The following XKR9 variants were observed in gnomAD, a reference collection of about 807,000 sequenced individuals.
The protein encoded by XKR9 is XK-related protein 9.
XKR9 carries 32 observed loss-of-function variants against 32.0 expected under a neutral mutation model. That is an observed-to-expected ratio of 1.00 (90% CI 0.76 to 1.34). XKR9 has a LOEUF of 1.34. XKR9 is among the 40% of genes most tolerant of loss of function. The pLI is 0.00. For missense variants in XKR9, 546 were observed against 429.7 expected (o/e 1.27, Z -2.39); for synonymous variants, 168 against 143.4 (o/e 1.17, Z -1.22).
intron 2 of XKR9, among the ~76,000 whole-genome samples, chr8:70,769,429 C>T (rs980344066): frequency 2.0e-5 from 3 of 151,918 alleles, no homozygotes; most frequent in Non-Finnish European, 2.9e-5. Flanking sequence ...GGTTGCTCTT[C>T]TTGAGGAGTA....
the XKR9 span, among the ~76,000 whole-genome samples, chr8:71,058,930 T>G: frequency 6.6e-6 from 1 of 152,216 alleles, no homozygotes; most frequent in Non-Finnish European, 1.5e-5. Flanking sequence ...CATTTGAATC[T>G]TCATGTGGTT....
chr8:70,760,057 G>A (rs1807287139), intron 2 of XKR9, among the ~76,000 whole-genome samples: 1 of 152,136 alleles, frequency 6.6e-6, no homozygotes, highest in African/African-American at 2.4e-5. Flanking sequence ...ATTCACATGT[G>A]AAGTTACTTG....
intron 4 of XKR9, among the ~76,000 whole-genome samples, chr8:70,731,247 C>G (rs977744032): frequency 1.3e-5 from 2 of 152,072 alleles, no homozygotes; most frequent in Non-Finnish European, 2.9e-5. Flanking sequence ...ATAGTGATGT[C>G]TACCATTTAC....
At chr8:71,001,898 A>G in the XKR9 span, among the ~76,000 whole-genome samples, 220 of 152,320 alleles carry the variant, frequency 1.4e-3, 1 homozygote, top group African/African-American at 5.1e-3. Context: ...TGTGGTTCCA[A>G]ATATTCCAAA....
At chr8:70,774,540 A>C (rs1807494309) in intron 2 of XKR9, among the ~76,000 whole-genome samples, 1 of 152,142 alleles carries the variant, frequency 6.6e-6, no homozygotes, top group Admixed American at 6.6e-5. Context: ...CTATATATTC[A>C]ACATTTAGAT....
chr8:70,732,173 G>T (rs1262236419), intron 4 of XKR9, among the ~76,000 whole-genome samples: 2 of 152,156 alleles, frequency 1.3e-5, no homozygotes. Context: ...CCACAATGGG[G>T]CTGTGGACAG....
At chr8:70,809,019 G>A in the XKR9 span, among the ~76,000 whole-genome samples, 4 of 152,186 alleles carry the variant, frequency 2.6e-5, no homozygotes, top group Admixed American at 6.5e-5. Flanking sequence ...CCTGACCCTC[G>A]AGTAGCCTAA....
the XKR9 span, among the ~76,000 whole-genome samples, chr8:71,008,807 T>C: frequency 6.6e-6 from 1 of 151,962 alleles, no homozygotes; most frequent in South Asian, 2.1e-4. Context: ...TACCTGAGAC[T>C]ACACCTGAGT....
chr8:70,833,473 T>C, the XKR9 span, among the ~76,000 whole-genome samples: 1 of 152,134 alleles, frequency 6.6e-6, no homozygotes, highest in Non-Finnish European at 1.5e-5. Context: ...AGGTAAAGTA[T>C]ATGTAGATGT....
the XKR9 span, among the ~76,000 whole-genome samples, chr8:70,986,019 T>A: frequency 6.6e-6 from 1 of 152,110 alleles, no homozygotes; most frequent in African/African-American, 2.4e-5. Context: ...ATTCCTTATA[T>A]CAGGAAACAA....
chr8:70,733,283 T>G (rs1440437226), intron 4 of XKR9, among the ~76,000 whole-genome samples: 1 of 152,144 alleles, frequency 6.6e-6, no homozygotes, highest in Non-Finnish European at 1.5e-5. Context: ...TATCTCATAT[T>G]AAATTTTCTG....
intron 2 of XKR9, among the ~76,000 whole-genome samples, chr8:70,754,834 A>T (rs1435120261): frequency 6.6e-6 from 1 of 152,096 alleles, no homozygotes; most frequent in African/African-American, 2.4e-5. Context: ...AGGCATTACC[A>T]TTCAGGACAC....
At chr8:70,805,846 C>T in the XKR9 span, among the ~76,000 whole-genome samples, 3 of 152,162 alleles carry the variant, frequency 2.0e-5, no homozygotes, top group Non-Finnish European at 2.9e-5. Flanking sequence ...GGAGTATAGA[C>T]AGCCCAGATG....
At chr8:70,894,562 C>A in the XKR9 span, among the ~76,000 whole-genome samples, 25 of 152,254 alleles carry the variant, frequency 1.6e-4, no homozygotes, top group Non-Finnish European at 3.2e-4. Flanking sequence ...TCTGCTCAGG[C>A]CTTGTGGGGC....
At chr8:70,809,887 C>G in the XKR9 span, among the ~76,000 whole-genome samples, 1 of 152,222 alleles carries the variant, frequency 6.6e-6, no homozygotes, top group Non-Finnish European at 1.5e-5. Flanking sequence ...TCCAGGAGAA[C>G]TTCCCCAATC....
intron 2 of XKR9, among the ~76,000 whole-genome samples, chr8:70,747,247 G>T (rs1807071489): frequency 6.6e-6 from 1 of 152,136 alleles, no homozygotes; most frequent in Non-Finnish European, 1.5e-5. Context: ...TGGTAGAATG[G>T]TTTATTTTCC....
At chr8:70,681,592 T>G (rs1327318555) in intron 3 of XKR9, among the ~76,000 whole-genome samples, 1 of 152,142 alleles carries the variant, frequency 6.6e-6, no homozygotes, top group Non-Finnish European at 1.5e-5. Flanking sequence ...GAAAAAGACA[T>G]TTCTATGTCT....
chr8:70,867,481 C>T, the XKR9 span, among the ~76,000 whole-genome samples: 1 of 152,074 alleles, frequency 6.6e-6, no homozygotes, highest in Non-Finnish European at 1.5e-5. Context: ...GAGATGAAGT[C>T]TCCTCAGTTG....
the XKR9 span, among the ~76,000 whole-genome samples, chr8:71,007,948 A>G: frequency 1.3e-5 from 2 of 152,180 alleles, no homozygotes; most frequent in Non-Finnish European, 2.9e-5. Flanking sequence ...GCAAAAAAAC[A>G]TTTATTTAGA....
Sources: allele counts gnomAD v4.1 joint callset (sites outside exome capture counted in the v4.1 genomes callset), GRCh38; gene constraint gnomAD v4.1.1; transcripts MANE v1.5; gene names NCBI Gene and HGNC (gene_info 2026-07-23, HGNC 2026-07-21).